Variants in ANKS1B observed in about 807,000 individuals in gnomAD.
ANKS1B encodes the protein ankyrin repeat and sterile alpha motif domain containing 1B.
In ANKS1B, 36 loss-of-function variants were observed where a neutral mutation model predicts 148.3. That is an observed-to-expected ratio of 0.24 (90% CI 0.19 to 0.32). ANKS1B has a LOEUF of 0.32. ANKS1B is among the 10% of genes least tolerant of loss of function. ANKS1B has a pLI of 1.00. For synonymous variants in ANKS1B, 542 were observed against 560.8 expected (o/e 0.97, Z 0.47); for missense variants, 1,157 against 1,542.6 (o/e 0.75, Z 4.19).
intron 12 of ANKS1B, among the ~76,000 whole-genome samples, chr12:99,307,545 A>G (rs1382816812): frequency 1.3e-5 from 2 of 152,092 alleles, no homozygotes; most frequent in Non-Finnish European, 2.9e-5. Flanking sequence ...GATTATAATA[A>G]GAGAAAGACA....
At chr12:99,172,141 G>T (rs542078077) in intron 14 of ANKS1B, among the ~76,000 whole-genome samples, 1 of 152,218 alleles carries the variant, frequency 6.6e-6, no homozygotes, top group East Asian at 1.9e-4. Context: ...ATGTGCAAAG[G>T]TATGTTTGAG....
intron 12 of ANKS1B, among the ~76,000 whole-genome samples, chr12:99,263,340 C>T (rs1555361850): frequency 6.6e-6 from 1 of 152,044 alleles, no homozygotes; most frequent in Non-Finnish European, 1.5e-5. Flanking sequence ...AGTGCTGATA[C>T]TATATTACTG....
chr12:99,604,161 A>G (rs1039548803), intron 9 of ANKS1B, among the ~76,000 whole-genome samples: 3 of 152,138 alleles, frequency 2.0e-5, no homozygotes, highest in African/African-American at 7.2e-5. Context: ...AGCAAATGAC[A>G]AGGAAATTTG....
chr12:99,945,834 G>C (rs1308743764), intron 1 of ANKS1B, among the ~76,000 whole-genome samples: 9 of 152,184 alleles, frequency 5.9e-5, no homozygotes, highest in Non-Finnish European at 1.2e-4. Flanking sequence ...CATCATAACT[G>C]ATGTTCACCA....
intron 2 of ANKS1B, among the ~76,000 whole-genome samples, chr12:99,823,312 T>G (rs1326045036): frequency 6.6e-6 from 1 of 151,608 alleles, no homozygotes; most frequent in African/African-American, 2.4e-5. Context: ...CTTGTCAATT[T>G]TATCTATTTA....
At chr12:99,387,460 C>CA (rs1424866744) in intron 12 of ANKS1B, among the ~76,000 whole-genome samples, 1 of 152,046 alleles carries the variant, frequency 6.6e-6, no homozygotes, top group Non-Finnish European at 1.5e-5. Context: ...TACTAAAATA[C>CA]AAAAAATTAG....
chr12:99,803,576 T>A (rs2067235358), intron 4 of ANKS1B, among the ~76,000 whole-genome samples: 1 of 152,192 alleles, frequency 6.6e-6, no homozygotes. Flanking sequence ...TCTTCTGATA[T>A]GTGAAGAACA....
rs376464172 is a variant in ANKS1B, at chr12:99,499,656, A to G, written c.1438+4820T>C. On this transcript the variant is annotated intron_variant, in intron 10 of 26. Coordinates refer to ENST00000683438, the MANE Select transcript of ANKS1B (RefSeq NM_001352186.2). ...GACCACGAGAAAGTCCAAGTAGGCC[A>G]TGGCAGCGATATGAGTATGGATCTT... is the stretch of plus-strand genomic sequence containing the variant. Among the ~76,000 whole-genome samples the G allele has an allele frequency of 5.3e-5, 8 of 152,240 alleles. No individual in the cohort carries two copies. The East Asian group carries it at 1.4e-3, about 26-fold the overall frequency.
intron 17 of ANKS1B, among the ~76,000 whole-genome samples, chr12:98,914,464 A>G (rs1379138005): frequency 2.0e-5 from 3 of 152,134 alleles, no homozygotes; most frequent in South Asian, 2.1e-4. Context: ...GTCTACTCCA[A>G]TCTTCCAGTG....
chr12:99,183,134 G>C (rs1478185853), intron 14 of ANKS1B, among the ~76,000 whole-genome samples: 1 of 152,064 alleles, frequency 6.6e-6, no homozygotes, highest in African/African-American at 2.4e-5. Context: ...GAAATATTTA[G>C]AAAGAAAACA....
intron 8 of ANKS1B, among the ~76,000 whole-genome samples, chr12:99,656,165 A>G (rs2098448929): frequency 6.6e-6 from 1 of 152,144 alleles, no homozygotes; most frequent in Admixed American, 6.6e-5. Flanking sequence ...AAAACAAGAG[A>G]ATTAATATCT....
At position 98,832,067 on chromosome 12, in the gene ANKS1B, C is replaced by A. The variant is rs745710683; in HGVS notation, c.2848G>T (p.Asp950Tyr). 2 of 1,598,212 alleles carry A rather than the reference C, an allele frequency of 1.3e-6. No homozygotes were observed. The highest frequency in any genetic ancestry group is 2.3e-5 in the East Asian group (1 of 44,394). The change falls in exon 18 of 27, where the codon GAT (aspartate) becomes TAT (tyrosine). Residue 950 changes from aspartate to tyrosine, a missense_variant. Around this residue, in one of 6 missense-constraint regions of ANKS1B, gnomAD observed 258 missense variants for 497.0 expected, o/e 0.52. Transcript: ENST00000683438. ...LASLGDRLHD[D>Y]PPQKPPRSIT... Reference sequence around the variant, plus strand: ...GACCGAGGGGGCTTCTGTGGGGGATCGTCGTGCAGCCTGTCTCCCAGAGAT... The same window carrying A: ...GACCGAGGGGGCTTCTGTGGGGGATAGTCGTGCAGCCTGTCTCCCAGAGAT...
chr12:98,758,769 T>C (rs1272330320), intron 25 of ANKS1B, among the ~76,000 whole-genome samples: 3 of 148,720 alleles, frequency 2.0e-5, no homozygotes, highest in Admixed American at 6.8e-5. Flanking sequence ...TCTTTTCTTT[T>C]CTTTTCCTTC....
At chr12:99,752,251 A>C (rs141513396) in intron 8 of ANKS1B, among the ~76,000 whole-genome samples, 2 of 152,018 alleles carry the variant, frequency 1.3e-5, no homozygotes, top group South Asian at 4.1e-4. Context: ...CTGTCAGGCA[A>C]CATCCCAGAC....
At chr12:99,218,903 G>A (rs1200572526) in intron 14 of ANKS1B, among the ~76,000 whole-genome samples, 2 of 152,180 alleles carry the variant, frequency 1.3e-5, no homozygotes, top group African/African-American at 4.8e-5. Flanking sequence ...AAGATTCTAT[G>A]AGTACCTGCA....
At chr12:98,847,451 C>T (rs1449964123) in intron 17 of ANKS1B, among the ~76,000 whole-genome samples, 1 of 152,178 alleles carries the variant, frequency 6.6e-6, no homozygotes, top group Non-Finnish European at 1.5e-5. Context: ...CCTTCTTTTT[C>T]ATGGCCAAAT....
chr12:99,708,001 A>G (rs1042781854), intron 8 of ANKS1B, among the ~76,000 whole-genome samples: 6 of 152,126 alleles, frequency 3.9e-5, no homozygotes, highest in African/African-American at 1.4e-4. Context: ...GTCACTTATC[A>G]AAACTCTATA....
intron 3 of ANKS1B, among the ~76,000 whole-genome samples, chr12:99,808,285 G>A (rs2153663560): frequency 6.6e-6 from 1 of 152,248 alleles, no homozygotes; most frequent in Non-Finnish European, 1.5e-5. Flanking sequence ...CTGGATGATA[G>A]AAGAATGCAA....
At chr12:99,050,986 C>A (rs1466318020) in intron 17 of ANKS1B, among the ~76,000 whole-genome samples, 1 of 152,082 alleles carries the variant, frequency 6.6e-6, no homozygotes, top group Non-Finnish European at 1.5e-5. Context: ...CGTGAACCAC[C>A]ACGCCTGACT....
Sources: allele counts gnomAD v4.1 joint callset (sites outside exome capture counted in the v4.1 genomes callset), GRCh38; gene constraint gnomAD v4.1.1; regional missense constraint gnomAD v4.1.1; transcripts MANE v1.5; gene names NCBI Gene and HGNC (gene_info 2026-07-23, HGNC 2026-07-21).